Variants in NPHP3 observed in about 807,000 individuals in gnomAD.
NPHP3 encodes nephrocystin-3.
Under a neutral mutation model 171.9 loss-of-function variants are expected in NPHP3, and 123 were observed. The ratio of observed to expected loss-of-function variants is 0.72; its 90% CI spans 0.62 to 0.83. NPHP3 has a LOEUF of 0.83. NPHP3 is among the 40% of genes least tolerant of loss of function. The probability of loss-of-function intolerance (pLI) is 0.00; values close to 1 mark genes in which losing one functional copy is unlikely to be tolerated. For synonymous variants in NPHP3, 558 were observed against 579.2 expected (o/e 0.96, Z 0.52); for missense variants, 1,506 against 1,591.9 (o/e 0.95, Z 0.92).
rs1312657079 is a variant in NPHP3, at chr3:132,712,495, G to A, written c.1118+631C>T. Reference sequence around the variant, plus strand: ...GAAAATACACGAATGGGCCAGGTGTGTTGGCCTACGCCTGTAATCCCAGCA... The same window carrying A: ...GAAAATACACGAATGGGCCAGGTGTATTGGCCTACGCCTGTAATCCCAGCA... On this transcript the variant is annotated intron_variant, in intron 6 of 26. Transcript: ENST00000337331. The A allele has an allele frequency of 6.6e-6, 3 of 456,380 alleles. No homozygotes were observed. The Admixed American group carries it at 7.1e-5, about 11-fold the overall frequency. The allele number at this position is 456,380 out of a possible 1,614,324, so 28.3% of individuals were successfully genotyped here. A position where few individuals can be genotyped will look rare whatever the true frequency, so the allele number is the denominator to read the frequency against.
intron 1 of NPHP3, among the ~76,000 whole-genome samples, chr3:132,720,688 G>A (rs1354286993): frequency 6.6e-6 from 1 of 152,030 alleles, no homozygotes; most frequent in African/African-American, 2.4e-5. Context: ...AACAAAACCT[G>A]ACTAGAAGAA....
chr3:132,701,640 G>T, intron 9 of NPHP3, 107 bp from the exon 10 acceptor site: 1 of 787,200 alleles, frequency 1.3e-6, no homozygotes, highest in Non-Finnish European at 2.1e-6. Context: ...AGCTGTGTGA[G>T]AAAATGAAAT....
Position 132,681,859 on chromosome 3 carries a change from TTTAA to T in NPHP3, c.*47_*50del. ...GTTTCAAATTCAAATGTTCCAAATGTTTAATTATTTTGTCTTAAGGTACATTTGC... is the reference window on the plus strand; with the variant it reads ...GTTTCAAATTCAAATGTTCCAAATGTTTATTTTGTCTTAAGGTACATTTGC... On this transcript the variant is annotated 3_prime_UTR_variant, in exon 27 of 27. Coordinates refer to ENST00000337331, the MANE Select transcript of NPHP3 (RefSeq NM_153240.5). 1 of 1,497,088 alleles carries T rather than the reference TTTAA, an allele frequency of 6.7e-7. No individual in the cohort carries two copies. Among genetic ancestry groups the T allele is most frequent in the Non-Finnish European group, 9.3e-7 (1 of 1,074,018 alleles). 92.7% of individuals were successfully genotyped at this position (1,497,088 alleles called of 1,614,324 possible). A position where few individuals can be genotyped will look rare whatever the true frequency, so the allele number is the denominator to read the frequency against.
At chr3:132,685,958 G>A (rs1939145219) in intron 23 of NPHP3, 2 of 335,438 alleles carry the variant, frequency 6.0e-6, no homozygotes, top group Non-Finnish European at 1.2e-5. Context: ...GGCTGAGGCA[G>A]GAGAATAGCT....
chr3:132,698,706 C>T lies in NPHP3; in HGVS notation c.1985+647G>A, dbSNP rs181977980. Among the ~76,000 whole-genome samples the T allele has an allele frequency of 9.2e-5, 14 of 152,294 alleles. 1 individual carries two copies. Among genetic ancestry groups the T allele is most frequent in the Non-Finnish European group, 1.3e-4 (9 of 68,024 alleles). On this transcript the variant is annotated intron_variant, in intron 13 of 26. Coordinates refer to ENST00000337331, the MANE Select transcript of NPHP3 (RefSeq NM_153240.5). ...TTTAACTGCCTACTAGACATCGTTA[C>T]GTGGAGCTACTCAAACTAACCATGA... is the stretch of plus-strand genomic sequence containing the variant.
rs777467353 is a variant in NPHP3 at position 132,691,251 on chromosome 3, G to C, written c.2511C>G (p.Gly837=). ...WETVRLEYLE[G]PTVTSSYRQK... is the part of the protein sequence containing the mutation. ...GCCTGTATGAAGAAGTAACAGTGGG[G>C]CCTTCCAGGTACTCCAATCTCACTG... Residue 837 remains glycine, a synonymous_variant, in exon 18 of 27, where the codon GGC becomes GGG. Transcript: ENST00000337331. 6.2e-7 allele frequency: 1 copy of C among 1,613,270 alleles called. No individual in the cohort carries two copies. The highest frequency in any genetic ancestry group is 8.5e-7 in the Non-Finnish European group (1 of 1,179,384).
rs753143081 is a variant in NPHP3, at chr3:132,682,810, G to A, written c.3705C>T (p.His1235=). The A allele has an allele frequency of 1.7e-5, 27 of 1,603,850 alleles. No individual in the cohort carries two copies. Among genetic ancestry groups the A allele is most frequent in the Non-Finnish European group, 1.5e-5 (18 of 1,170,920 alleles). The part of the protein sequence containing the change: ...LAVLYSQMKK[H]VEALPLYERA... ...TTTCATATAATGGCAAAGCTTCAAC[G>A]TGTTTTTTCTTATTAAAAAAAATGA... The change falls in exon 26 of 27, where the codon CAC becomes CAT. Residue 1235 remains histidine (H), a synonymous_variant. Transcript: ENST00000337331.
Position 132,716,653 on chromosome 3 carries a change from C to A in NPHP3, c.823+104G>T, listed in dbSNP as rs933113487. The A allele has an allele frequency of 7.8e-5, 102 of 1,314,864 alleles. No individual in the cohort carries two copies. In the Admixed American group the frequency reaches 1.7e-3, roughly 22 times the overall value. The allele number at this position is 1,314,864 out of a possible 1,614,324, so 81.4% of individuals were successfully genotyped here. ...TTGTCAATGGAAAGCACTAGGAACACAAATTTCATGCTTTGCTAATGGTAT... is the reference window on the plus strand; with the variant it reads ...TTGTCAATGGAAAGCACTAGGAACAAAAATTTCATGCTTTGCTAATGGTAT... On this transcript the variant is annotated intron_variant, in intron 4 of 26. Coordinates refer to ENST00000337331, the MANE Select transcript of NPHP3 (RefSeq NM_153240.5).
Position 132,715,182 on chromosome 3 carries a change from A to G in NPHP3, c.860T>C (p.Val287Ala), listed in dbSNP as rs1448070848. The change falls in exon 5 of 27, where the codon GTT (valine) becomes GCT (alanine). Residue 287 changes from valine (V) to alanine (A), a missense_variant. Val to Ala is a moderately conservative substitution (Grantham distance 64). Around this residue, in one of 3 missense-constraint regions of NPHP3, gnomAD observed 930 missense variants for 924.9 expected, o/e 1.01. Coordinates refer to ENST00000337331, the MANE Select transcript of NPHP3 (RefSeq NM_153240.5). The stretch of plus-strand genomic sequence containing the variant: ...CAGAGAATGTGAAAACAGAGGAGTA[A>G]CTTGTAATAAACTAGCTACAGCAAT... Reference protein sequence around the residue: ...WDIAVASLLQVTPLFSHSLWS... With the variant: ...WDIAVASLLQATPLFSHSLWS... The G allele has an allele frequency of 6.2e-7, 1 of 1,611,396 alleles. No homozygotes were observed. Among genetic ancestry groups the G allele is most frequent in the South Asian group, 1.1e-5 (1 of 91,008 alleles).
chr3:132,700,037 A>G lies in NPHP3; in HGVS notation c.1768T>C (p.Ser590Pro), dbSNP rs1159109668. ...TTAGCAGGATCCAGTGTCAGAGCAG[A>G]GACTGACCAAGAGTGCTGCATCAAC... ...LKLMQHSWSV[S>P]ALTLDPAKLL... is the part of the protein sequence containing the mutation. Residue 590 changes from serine to proline, a missense_variant, in exon 12 of 27, where the codon TCT (serine) becomes CCT (proline). Around this residue, in one of 3 missense-constraint regions of NPHP3, gnomAD observed 930 missense variants for 924.9 expected, o/e 1.01. Transcript: ENST00000337331. 3 of 1,614,042 alleles carry G rather than the reference A, an allele frequency of 1.9e-6. No homozygotes were observed. The highest frequency in any genetic ancestry group is 2.5e-6 in the Non-Finnish European group (3 of 1,180,012).
Position 132,682,688 on chromosome 3 carries a change from G to C in NPHP3, c.3812+15C>G. On this transcript the variant is annotated intron_variant, in intron 26 of 26. Transcript: ENST00000337331. Reference sequence around the variant, plus strand: ...ATAAAAGAGGCTGTATAAGGAAAGTGAAAAAAATTCTTACCTAAGCACAGC... The same window carrying C: ...ATAAAAGAGGCTGTATAAGGAAAGTCAAAAAAATTCTTACCTAAGCACAGC... The C allele has an allele frequency of 6.8e-7, 1 of 1,475,648 alleles. No individual in the cohort carries two copies. The highest frequency in any genetic ancestry group is 9.5e-7 in the Non-Finnish European group (1 of 1,054,158). 91.4% of individuals were successfully genotyped at this position (1,475,648 alleles called of 1,614,324 possible).
At chr3:132,699,536 C>A in intron 12 of NPHP3, 86 bp from the exon 13 acceptor site, 1 of 908,494 alleles carries the variant, frequency 1.1e-6, no homozygotes, top group Non-Finnish European at 1.7e-6. Flanking sequence ...AAATGAAATT[C>A]TCATTAAGTT....
At chr3:132,696,166 C>A (rs941839672) in intron 15 of NPHP3, among the ~76,000 whole-genome samples, 2 of 150,632 alleles carry the variant, frequency 1.3e-5, no homozygotes, top group Non-Finnish European at 2.9e-5. Flanking sequence ...TAGAGTGATG[C>A]TATACTGAAG....
rs544694509 is a variant in NPHP3 at position 132,700,027 on chromosome 3, G to A, written c.1778C>T (p.Thr593Ile). Reference sequence around the variant, plus strand: ...TTCCAGAAGCTTAGCAGGATCCAGTGTCAGAGCAGAGACTGACCAAGAGTG... The same window carrying A: ...TTCCAGAAGCTTAGCAGGATCCAGTATCAGAGCAGAGACTGACCAAGAGTG... ...MQHSWSVSALTLDPAKLLEEF... is the reference protein window; with the variant it reads ...MQHSWSVSALILDPAKLLEEF... Residue 593 changes from threonine (T) to isoleucine (I), a missense_variant, in exon 12 of 27, where the codon ACA (threonine) becomes ATA (isoleucine). Physicochemically the swap from Thr to Ile is moderately conservative, Grantham distance 89. Transcript: ENST00000337331. 8 of 1,614,146 alleles carry A rather than the reference G, an allele frequency of 5.0e-6. No individual in the cohort carries two copies. In the East Asian group the frequency reaches 1.8e-4, roughly 36 times the overall value.
At chr3:132,691,879 T>C (rs1459888084) in intron 17 of NPHP3, among the ~76,000 whole-genome samples, 1 of 152,192 alleles carries the variant, frequency 6.6e-6, no homozygotes, top group South Asian at 2.1e-4. Flanking sequence ...TTGCCCAAGT[T>C]TAGATAGGCA....
intron 3 of NPHP3, chr3:132,717,181 A>T: frequency 2.6e-6 from 1 of 385,952 alleles, no homozygotes. Flanking sequence ...CATAATAAGA[A>T]GGAAGTTAAA....
intron 3 of NPHP3, among the ~76,000 whole-genome samples, chr3:132,718,765 T>C (rs886072780): frequency 6.6e-6 from 1 of 152,176 alleles, no homozygotes; most frequent in Non-Finnish European, 1.5e-5. Context: ...TGGGTTAGGG[T>C]TGGCAGAGTG....
At position 132,686,401 on chromosome 3, in the gene NPHP3, GA is replaced by G; in HGVS notation, c.3202-15del. On this transcript the variant is annotated splice_polypyrimidine_tract_variant and intron_variant, in intron 22 of 26. Coordinates refer to ENST00000337331, the MANE Select transcript of NPHP3 (RefSeq NM_153240.5). The stretch of plus-strand genomic sequence containing the variant: ...GGCAAATCCGTACTGCAGCAAACAT[GA>G]AAAATGAAAAGCAATCACTAAGTAG... 1 of 1,613,742 alleles carries G rather than the reference GA, an allele frequency of 6.2e-7. No individual in the cohort carries two copies. The highest frequency in any genetic ancestry group is 8.5e-7 in the Non-Finnish European group (1 of 1,179,806).
intron 16 of NPHP3, among the ~76,000 whole-genome samples, chr3:132,694,557 T>A (rs1361579608): frequency 6.6e-6 from 1 of 151,966 alleles, no homozygotes; most frequent in East Asian, 1.9e-4. Context: ...TACAGATCGA[T>A]AAGGAAAAGA....
Sources: gnomAD v4.1 joint callset for allele counts (sites outside exome capture counted in the v4.1 genomes callset) on GRCh38, gnomAD v4.1.1 for gene constraint, gnomAD v4.1.1 regional missense constraint, MANE v1.5 for transcripts, NCBI Gene and HGNC (gene_info 2026-07-23, HGNC 2026-07-21) for gene names.